Variants in WDR70 observed in about 807,000 individuals in gnomAD.
WDR70 encodes WD repeat domain 70, also known as WD repeat-containing protein 70.
Under a neutral mutation model 88.6 loss-of-function variants are expected in WDR70, and 53 were observed. The observed-to-expected ratio is 0.60, with a 90% CI of 0.48 to 0.75. The LOEUF (loss-of-function observed/expected upper bound fraction) is 0.75. Among genes scored for constraint, WDR70 ranks in the 30% least tolerant of loss-of-function variants. The pLI is 0.00. For synonymous variants in WDR70, 280 were observed against 270.0 expected (o/e 1.04, Z -0.36); for missense variants, 610 against 823.2 (o/e 0.74, Z 3.17).
chr5:37,646,240 A>G (rs985957058), intron 10 of WDR70, among the ~76,000 whole-genome samples: 1 of 151,490 alleles, frequency 6.6e-6, no homozygotes, highest in Non-Finnish European at 1.5e-5. Flanking sequence ...AAACTAAAAA[A>G]CAAACAAAGA....
At chr5:37,402,944 G>GTGTTTTT in intron 5 of WDR70, among the ~76,000 whole-genome samples, 1 of 84,380 alleles carries the variant, frequency 1.2e-5, no homozygotes, top group Admixed American at 1.8e-4. Context: ...CCCTCCCTCC[G>GTGTTTTT]TTTTTTTTTT....
intron 17 of WDR70, among the ~76,000 whole-genome samples, chr5:37,743,545 C>T (rs1748547870): frequency 6.6e-6 from 1 of 152,224 alleles, no homozygotes; most frequent in South Asian, 2.1e-4. Context: ...AAGGGCAGCA[C>T]CCATTTCTAT....
chr5:37,385,429 A>C (rs1030119483), intron 3 of WDR70, among the ~76,000 whole-genome samples: 3 of 139,220 alleles, frequency 2.2e-5, no homozygotes, highest in African/African-American at 8.0e-5. Context: ...CTGAGGTGAG[A>C]GGGTCAGTTG....
intron 15 of WDR70, chr5:37,723,976 G>A (rs1747898001): frequency 6.6e-6 from 1 of 152,124 alleles, no homozygotes; most frequent in Non-Finnish European, 1.5e-5. Flanking sequence ...GGCAGTATAG[G>A]TAGAAGGTAG....
chr5:37,483,766 G>GC (rs1172875206), intron 8 of WDR70, among the ~76,000 whole-genome samples: 1 of 149,700 alleles, frequency 6.7e-6, no homozygotes, highest in African/African-American at 2.5e-5. Flanking sequence ...GGCTGGCCGG[G>GC]CGGGGGCTGA....
chr5:37,563,442 A>C (rs1189872616), intron 9 of WDR70, among the ~76,000 whole-genome samples: 39 of 29,006 alleles, frequency 1.3e-3, no homozygotes, highest in South Asian at 3.2e-3. Context: ...ACCCCCCCAC[A>C]TCCTTCCCGG....
chr5:37,556,697 G>A (rs934231975), intron 9 of WDR70, among the ~76,000 whole-genome samples: 1 of 152,184 alleles, frequency 6.6e-6, no homozygotes, highest in African/African-American at 2.4e-5. Flanking sequence ...GGAAATTGCA[G>A]TAGCAATTAG....
intron 9 of WDR70, among the ~76,000 whole-genome samples, chr5:37,588,926 G>A (rs190556763): frequency 1.3e-5 from 2 of 151,932 alleles, no homozygotes; most frequent in Admixed American, 6.6e-5. Context: ...CACCATGTTC[G>A]GCTAATTTTT....
chr5:37,498,970 C>G (rs1438224438), intron 8 of WDR70, among the ~76,000 whole-genome samples: 1 of 152,178 alleles, frequency 6.6e-6, no homozygotes, highest in African/African-American at 2.4e-5. Flanking sequence ...ATGAGAGTTT[C>G]CGTTGCTCTG....
chr5:37,403,726 A>T (rs1561839191), intron 5 of WDR70, among the ~76,000 whole-genome samples: 2 of 149,754 alleles, frequency 1.3e-5, no homozygotes, highest in East Asian at 1.9e-4. Context: ...AAAAAAATTA[A>T]TTTTTTTTTT....
chr5:37,454,438 A>G (rs1370700377), intron 7 of WDR70, among the ~76,000 whole-genome samples: 1 of 152,198 alleles, frequency 6.6e-6, no homozygotes, highest in Non-Finnish European at 1.5e-5. Flanking sequence ...CATCTATTCA[A>G]ATGGTATTTG....
intron 9 of WDR70, among the ~76,000 whole-genome samples, chr5:37,577,408 G>C (rs1743090181): frequency 6.6e-6 from 1 of 152,124 alleles, no homozygotes; most frequent in Non-Finnish European, 1.5e-5. Context: ...CTTGAGCCTA[G>C]GAGTTCGAGG....
chr5:37,657,341 T>A (rs1745582558), intron 10 of WDR70, among the ~76,000 whole-genome samples: 1 of 152,052 alleles, frequency 6.6e-6, no homozygotes, highest in Admixed American at 6.5e-5. Context: ...CCAGTCCCAA[T>A]GAGATAAGCC....
chr5:37,535,226 T>A (rs542568395), intron 9 of WDR70, among the ~76,000 whole-genome samples: 1 of 152,264 alleles, frequency 6.6e-6, no homozygotes, highest in African/African-American at 2.4e-5. Context: ...AATTGACTTT[T>A]TTTTTTTTAA....
At chr5:37,741,492 T>C (rs1023981947) in intron 17 of WDR70, among the ~76,000 whole-genome samples, 6 of 152,142 alleles carry the variant, frequency 3.9e-5, no homozygotes, top group Non-Finnish European at 7.4e-5. Context: ...TGGTGGGATA[T>C]GGTTTTGGGA....
intron 10 of WDR70, among the ~76,000 whole-genome samples, chr5:37,663,898 C>T (rs1409193151): frequency 6.6e-6 from 1 of 152,160 alleles, no homozygotes; most frequent in African/African-American, 2.4e-5. Flanking sequence ...TTCATCCCTA[C>T]TGGCTCCTAG....
At chr5:37,526,926 A>T (rs1436127143) in intron 9 of WDR70, among the ~76,000 whole-genome samples, 1 of 152,308 alleles carries the variant, frequency 6.6e-6, no homozygotes, top group East Asian at 1.9e-4. Flanking sequence ...CTTACAAGGG[A>T]CGTGAAGGAC....
chr5:37,563,666 CCA>C (rs1408808550), intron 9 of WDR70, among the ~76,000 whole-genome samples: 1 of 90,884 alleles, frequency 1.1e-5, no homozygotes, highest in Non-Finnish European at 2.8e-5. Context: ...TGACCCCCCC[CCA>C]CCTCCCTCCC....
At chr5:37,705,597 T>G (rs1316190434) in intron 13 of WDR70, among the ~76,000 whole-genome samples, 3 of 152,030 alleles carry the variant, frequency 2.0e-5, no homozygotes, top group Non-Finnish European at 2.9e-5. Context: ...CTTTTAACAG[T>G]CCGTTTGACC....
Sources: allele counts gnomAD v4.1 joint callset (sites outside exome capture counted in the v4.1 genomes callset), GRCh38; gene constraint gnomAD v4.1.1; transcripts MANE v1.5; gene names NCBI Gene and HGNC (gene_info 2026-07-23, HGNC 2026-07-21).